Variants in EIF4G3 observed in about 807,000 individuals in gnomAD.
EIF4G3 encodes eIF-4-gamma 3.
In EIF4G3, 34 loss-of-function variants were observed where a neutral mutation model predicts 186.4. The observed-to-expected ratio is 0.18, with a 90% CI of 0.14 to 0.24. The LOEUF (loss-of-function observed/expected upper bound fraction) is 0.24. EIF4G3 is among the 10% of genes least tolerant of loss of function. The probability of loss-of-function intolerance (pLI) is 1.00; values close to 1 mark genes in which losing one functional copy is unlikely to be tolerated. For synonymous variants in EIF4G3, 673 were observed against 679.5 expected (o/e 0.99, Z 0.15); for missense variants, 1,536 against 1,948.5 (o/e 0.79, Z 3.99).
At chr1:20,915,502 T>C (rs1036211630) in intron 14 of EIF4G3, among the ~76,000 whole-genome samples, 6 of 150,678 alleles carry the variant, frequency 4.0e-5, no homozygotes, top group Non-Finnish European at 7.4e-5. Flanking sequence ...GCAAGTAAAA[T>C]TGAACAATAC....
At chr1:21,153,499 G>A (rs940615684) in intron 2 of EIF4G3, among the ~76,000 whole-genome samples, 3 of 152,158 alleles carry the variant, frequency 2.0e-5, no homozygotes, top group Admixed American at 6.5e-5. Context: ...GGATACTATG[G>A]TTGTTTAGGG....
intron 4 of EIF4G3, among the ~76,000 whole-genome samples, chr1:21,041,105 ACAT>A (rs1361620496): frequency 3.8e-4 from 58 of 152,318 alleles, no homozygotes; most frequent in African/African-American, 1.4e-3. Flanking sequence ...TAATTCGACT[ACAT>A]TTTAATTTTA....
intron 3 of EIF4G3, among the ~76,000 whole-genome samples, chr1:21,061,804 G>A (rs1344437614): frequency 2.7e-5 from 4 of 148,190 alleles, no homozygotes; most frequent in Non-Finnish European, 5.9e-5. Flanking sequence ...CTGCAGTACA[G>A]TGGCGCGATC....
At chr1:21,004,490 C>G (rs1377434645) in intron 4 of EIF4G3, among the ~76,000 whole-genome samples, 4 of 151,994 alleles carry the variant, frequency 2.6e-5, no homozygotes, top group Non-Finnish European at 5.9e-5. Flanking sequence ...GTTTGGGCAA[C>G]TCATTTATCT....
chr1:21,142,224 G>A (rs2097353048), intron 2 of EIF4G3, among the ~76,000 whole-genome samples: 1 of 151,802 alleles, frequency 6.6e-6, no homozygotes, highest in African/African-American at 2.4e-5. Context: ...TAATGGTCAG[G>A]CATAATGGCT....
chr1:21,035,544 G>A (rs7538997), intron 4 of EIF4G3, among the ~76,000 whole-genome samples: 1,552 of 152,304 alleles, frequency 0.01, 13 homozygotes, highest in Middle Eastern at 0.017. Context: ...GGCCAAGCCC[G>A]GGCACTGTTG....
Position 20,997,617 on chromosome 1 carries a change from C to T in EIF4G3, c.161G>A (p.Arg54Gln), listed in dbSNP as rs188187650. ...GTACAGTACCTGATGATGGGGAGGTCGAGGCCCCGCTGCAAACTGAGAAAA... is the reference window on the plus strand; with the variant it reads ...GTACAGTACCTGATGATGGGGAGGTTGAGGCCCCGCTGCAAACTGAGAAAA... ...IKYCIFAAGP[R>Q]PPHHQGGFRP... Residue 54 changes from arginine (R) to glutamine (Q), a missense_variant, in exon 7 of 37, where the codon CGA becomes CAA. Physicochemically the swap from Arg to Gln is conservative, Grantham distance 43 (BLOSUM62 1). This residue lies in a region of EIF4G3 where 194 missense variants were observed against 212.8 expected (regional missense o/e 0.91). Coordinates refer to ENST00000602326, the MANE Select transcript of EIF4G3 (RefSeq NM_001391906.1). 2.2e-5 allele frequency: 34 copies of T among 1,545,242 alleles called. No homozygotes were observed. The East Asian group carries it at 6.4e-4, about 29-fold the overall frequency.
At chr1:21,061,647 T>G (rs1183107880) in intron 3 of EIF4G3, among the ~76,000 whole-genome samples, 1 of 152,074 alleles carries the variant, frequency 6.6e-6, no homozygotes, top group Non-Finnish European at 1.5e-5. Context: ...AAGCTAAAAT[T>G]TATTTCTGGA....
intron 12 of EIF4G3, among the ~76,000 whole-genome samples, chr1:20,957,894 A>G (rs1028312942): frequency 1.5e-4 from 23 of 152,160 alleles, no homozygotes; most frequent in Non-Finnish European, 2.5e-4. Context: ...GCAAGATTGA[A>G]TCAGTAATTT....
chr1:21,135,767 C>G (rs1314266373), intron 2 of EIF4G3, among the ~76,000 whole-genome samples: 3 of 152,176 alleles, frequency 2.0e-5, no homozygotes, highest in African/African-American at 7.2e-5. Context: ...TAATGTAACA[C>G]ACCCGGGTCC....
intron 12 of EIF4G3, among the ~76,000 whole-genome samples, chr1:20,956,631 A>C (rs975691792): frequency 6.6e-6 from 1 of 151,756 alleles, no homozygotes; most frequent in Non-Finnish European, 1.5e-5. Context: ...AAAAAAAAAA[A>C]AAAAAACAAG....
chr1:21,172,915 C>T (rs140181912), intron 2 of EIF4G3, among the ~76,000 whole-genome samples: 4,148 of 151,018 alleles, frequency 0.027, 88 homozygotes, highest in Non-Finnish European at 0.038. Flanking sequence ...TAGAAGCAGG[C>T]GGATCACAAG....
intron 3 of EIF4G3, among the ~76,000 whole-genome samples, chr1:21,055,259 A>AT (rs1179979557): frequency 6.6e-6 from 1 of 152,152 alleles, no homozygotes; most frequent in East Asian, 1.9e-4. Context: ...ATGAATACAC[A>AT]TTTTTAACAC....
At chr1:20,933,652 TC>T (rs1358909287) in intron 14 of EIF4G3, among the ~76,000 whole-genome samples, 2 of 151,746 alleles carry the variant, frequency 1.3e-5, no homozygotes, top group South Asian at 2.1e-4. Flanking sequence ...TGAGACTCTA[TC>T]TTGTGGGGGG....
chr1:20,842,719 C>T (rs1167190540), intron 29 of EIF4G3, among the ~76,000 whole-genome samples: 1 of 152,090 alleles, frequency 6.6e-6, no homozygotes, highest in Non-Finnish European at 1.5e-5. Context: ...TTGTTTCTGG[C>T]CACATCTGTA....
intron 2 of EIF4G3, among the ~76,000 whole-genome samples, chr1:21,138,605 G>A (rs1483255081): frequency 6.6e-6 from 1 of 152,018 alleles, no homozygotes; most frequent in Non-Finnish European, 1.5e-5. Context: ...ATCACTTCAG[G>A]TCAGTAGCGC....
chr1:20,876,827 T>C (rs1276512376), intron 20 of EIF4G3, among the ~76,000 whole-genome samples: 1 of 151,832 alleles, frequency 6.6e-6, no homozygotes, highest in East Asian at 1.9e-4. Flanking sequence ...TAAGACCTCA[T>C]CTCTACCAAA....
intron 12 of EIF4G3, among the ~76,000 whole-genome samples, chr1:20,959,512 CAACA>C (rs1287061557): frequency 2.0e-5 from 3 of 151,724 alleles, no homozygotes; most frequent in African/African-American, 7.3e-5. Flanking sequence ...AAAGCAAATG[CAACA>C]AAAACGCAAA....
intron 29 of EIF4G3, among the ~76,000 whole-genome samples, chr1:20,848,227 A>C (rs1351844570): frequency 6.6e-6 from 1 of 152,208 alleles, no homozygotes; most frequent in East Asian, 1.9e-4. Context: ...TCAGCTCCCA[A>C]GGTGCTGGGA....
Sources: gnomAD v4.1 joint callset for allele counts (sites outside exome capture counted in the v4.1 genomes callset) on GRCh38, gnomAD v4.1.1 for gene constraint, gnomAD v4.1.1 regional missense constraint, MANE v1.5 for transcripts, NCBI Gene and HGNC (gene_info 2026-07-23, HGNC 2026-07-21) for gene names.